WRN: variants seen among roughly 807,000 people sequenced by gnomAD.
WRN encodes the protein bifunctional 3'-5' exonuclease/ATP-dependent helicase WRN.
In WRN, 149 loss-of-function variants were observed where a neutral mutation model predicts 180.7. That is an observed-to-expected ratio of 0.82 (90% CI 0.72 to 0.94). The LOEUF (loss-of-function observed/expected upper bound fraction) is 0.94. Ranked by LOEUF, WRN falls within the 40% of genes least tolerant of loss-of-function variation. The pLI is 0.00. For missense variants in WRN, 1,661 were observed against 1,700.1 expected (o/e 0.98, Z 0.40); for synonymous variants, 548 against 568.9 (o/e 0.96, Z 0.52).
intron 24 of WRN, among the ~76,000 whole-genome samples, chr8:31,139,500 T>C (rs1298047440): frequency 6.6e-6 from 1 of 152,182 alleles, no homozygotes; most frequent in African/African-American, 2.4e-5. Flanking sequence ...TGTGGCCTCT[T>C]CTGTGATCAA....
chr8:31,164,261 C>T (rs1803760843), intron 33 of WRN, among the ~76,000 whole-genome samples: 2 of 152,062 alleles, frequency 1.3e-5, no homozygotes, highest in Non-Finnish European at 2.9e-5. Context: ...CTGGAGAAAA[C>T]ATTGTTGGAT....
At chr8:31,044,332 G>C (rs1245058342) in intron 1 of WRN, among the ~76,000 whole-genome samples, 4 of 129,978 alleles carry the variant, frequency 3.1e-5, no homozygotes, top group African/African-American at 1.2e-4. Flanking sequence ...TGAGCCGCTT[G>C]CCCGACCTTC....
At chr8:31,122,078 G>A (rs1801744478) in intron 21 of WRN, among the ~76,000 whole-genome samples, 1 of 151,816 alleles carries the variant, frequency 6.6e-6, no homozygotes, top group African/African-American at 2.4e-5. Flanking sequence ...TTGTTTCTCT[G>A]GGTCTTAAAA....
intron 34 of WRN, among the ~76,000 whole-genome samples, chr8:31,170,347 ATG>A (rs1191043130): frequency 6.6e-6 from 1 of 151,994 alleles, no homozygotes; most frequent in South Asian, 2.1e-4. Context: ...ATAAGAGAGA[ATG>A]TATGACATTT....
At chr8:31,087,131 A>T (rs1441255982) in intron 11 of WRN, among the ~76,000 whole-genome samples, 1 of 152,198 alleles carries the variant, frequency 6.6e-6, no homozygotes, top group Non-Finnish European at 1.5e-5. Context: ...CTGTAGTTTA[A>T]TAAAGTCTTC....
intron 11 of WRN, chr8:31,087,569 A>G (rs1173223476): frequency 2.7e-5 from 14 of 515,740 alleles, no homozygotes; most frequent in Non-Finnish European, 4.6e-5. Context: ...TATGCTGGAA[A>G]TGTTCCATCT....
intron 1 of WRN, among the ~76,000 whole-genome samples, chr8:31,040,896 A>G (rs556174926): frequency 7.2e-5 from 11 of 152,110 alleles, no homozygotes; most frequent in Non-Finnish European, 1.5e-4. Flanking sequence ...GCAGACCAGT[A>G]GAGAGGAAAA....
Position 31,173,607 on chromosome 8 carries a change from T to C in WRN, c.*505T>C, listed in dbSNP as rs1804181443. 5.8e-6 allele frequency: 1 copy of C among 172,904 alleles called. No homozygotes were observed. Among genetic ancestry groups the C allele is most frequent in the Middle Eastern group, 2.4e-3 (1 of 416 alleles). 10.7% of individuals were successfully genotyped at this position (172,904 alleles called of 1,614,324 possible). On this transcript the variant is annotated 3_prime_UTR_variant, in exon 35 of 35. Transcript: ENST00000298139. Reference sequence around the variant, plus strand: ...TATTAGTTGACCAGGGCAGTGAAAATGAAACCGCATTTTGGGTGCCATTAA... The same window carrying C: ...TATTAGTTGACCAGGGCAGTGAAAACGAAACCGCATTTTGGGTGCCATTAA...
In WRN at chr8:31,088,955, A is replaced by G; in HGVS notation, c.1642A>G (p.Ser548Gly). ...TCLKMYFGHS[S>G]FKPVQWKVIH... ...CCTCAAGATGTACTTTGGCCATTCC[A>G]GTTTTAAACCGTGAGTATAATCTCA... The change falls in exon 13 of 35, where the codon AGT (serine) becomes GGT (glycine). Residue 548 changes from serine (S) to glycine (G), a missense_variant. Coordinates refer to ENST00000298139, the MANE Select transcript of WRN (RefSeq NM_000553.6). 2 of 1,610,562 alleles carry G rather than the reference A, an allele frequency of 1.2e-6. No individual in the cohort carries two copies. Among genetic ancestry groups the G allele is most frequent in the Non-Finnish European group, 1.7e-6 (2 of 1,178,208 alleles).
At chr8:31,035,498 G>A (rs532032013) in intron 1 of WRN, among the ~76,000 whole-genome samples, 12 of 152,242 alleles carry the variant, frequency 7.9e-5, no homozygotes, top group African/African-American at 2.2e-4. Context: ...GGAGCAGAGC[G>A]GAGAGGAGGT....
At chr8:31,169,460 A>T (rs1283861060) in intron 34 of WRN, among the ~76,000 whole-genome samples, 7 of 151,222 alleles carry the variant, frequency 4.6e-5, no homozygotes, top group African/African-American at 1.7e-4. Context: ...GAACTTTTCT[A>T]ATTTTGATTT....
At position 31,140,003 on chromosome 8, in the gene WRN, G is replaced by GTT. The variant is rs71539917; in HGVS notation, c.2968-1398_2968-1397dup. ...AAGCTCTATGTTTGTATACTTCTTT[G>GTT]TTTTTTTTTTTTTTTTTTTTTTTTT... On this transcript the variant is annotated intron_variant, in intron 24 of 34. Transcript: ENST00000298139. Among the ~76,000 whole-genome samples, 199 of 62,102 alleles carry GTT rather than the reference G, an allele frequency of 3.2e-3. 39 individuals are homozygous for GTT. The highest frequency in any genetic ancestry group is 8.1e-3 in the African/African-American group (133 of 16,514). 40.7% of individuals were successfully genotyped at this position (62,102 alleles called of 152,430 possible).
chr8:31,130,023 AAC>A (rs1491301295), intron 23 of WRN, among the ~76,000 whole-genome samples: 13 of 142,190 alleles, frequency 9.1e-5, no homozygotes, highest in African/African-American at 2.9e-4. Flanking sequence ...AACAAAACAA[AAC>A]AAAAAAAAAA....
At position 31,111,630 on chromosome 8, in the gene WRN, C is replaced by T. The variant is rs748745844; in HGVS notation, c.2104C>T (p.Leu702Phe). ...TALPMVPIVA[L>F]TATASSSIRE... ...CATCATTCAGGTTCCAATCGTTGCA[C>T]TTACTGCTACTGCAAGTTCTTCAAT... Residue 702 changes from leucine to phenylalanine, a missense_variant, in exon 19 of 35, where the codon CTT becomes TTT. Physicochemically the swap from Leu to Phe is conservative, Grantham distance 22 (BLOSUM62 0). This residue lies in a region of WRN where 1,141 missense variants were observed against 1,149.4 expected (regional missense o/e 0.99). Transcript: ENST00000298139. 1.9e-6 allele frequency: 3 copies of T among 1,614,006 alleles called. No individual in the cohort carries two copies. The highest frequency in any genetic ancestry group is 1.1e-5 in the South Asian group (1 of 91,080).
intron 28 of WRN, among the ~76,000 whole-genome samples, chr8:31,145,945 A>G (rs576760746): frequency 6.6e-6 from 1 of 152,174 alleles, no homozygotes; most frequent in East Asian, 1.9e-4. Context: ...GGGTGCTTAT[A>G]TATGAATAAA....
At chr8:31,058,076 AAT>A (rs1297275838) in intron 1 of WRN, among the ~76,000 whole-genome samples, 2 of 152,202 alleles carry the variant, frequency 1.3e-5, no homozygotes, top group African/African-American at 4.8e-5. Flanking sequence ...AGGAATTCAT[AAT>A]GATTCATATA....
Position 31,142,681 on chromosome 8 carries a change from G to A in WRN, c.3289G>A (p.Glu1097Lys). The change falls in exon 27 of 35, where the codon GAA (glutamate) becomes AAA (lysine). Residue 1097 changes from glutamate to lysine, a missense_variant. By Grantham distance (56) the Glu-to-Lys change is moderately conservative (BLOSUM62 1). Transcript: ENST00000298139. ...GCATTGTTATAATCAAGTACCAGTTGAATTAAGTACAGAGAAGAAGGTTTG... is the reference window on the plus strand; with the variant it reads ...GCATTGTTATAATCAAGTACCAGTTAAATTAAGTACAGAGAAGAAGGTTTG... ...KEHCYNQVPV[E>K]LSTEKKSNLE... 6 of 1,604,308 alleles carry A rather than the reference G, an allele frequency of 3.7e-6. No homozygotes were observed. Among genetic ancestry groups the A allele is most frequent in the Non-Finnish European group, 4.3e-6 (5 of 1,175,330 alleles).
intron 7 of WRN, among the ~76,000 whole-genome samples, chr8:31,068,913 C>T (rs770118973): frequency 6.6e-6 from 1 of 152,152 alleles, no homozygotes; most frequent in South Asian, 2.1e-4. Context: ...GCAGAAGGAG[C>T]CACGTAGTAG....
rs185443118 is a variant in WRN at position 31,154,879 on chromosome 8, T to C, written c.3819+124T>C. On this transcript the variant is annotated intron_variant, in intron 32 of 34. Transcript: ENST00000298139. ...CCTCCAACCCTACAATAAATCTCAGTTTATCTTTAATTTTAAAAGAGAATG... is the reference window on the plus strand; with the variant it reads ...CCTCCAACCCTACAATAAATCTCAGCTTATCTTTAATTTTAAAAGAGAATG... 1.6e-5 allele frequency: 20 copies of C among 1,235,630 alleles called. 1 individual carries two copies. In the East Asian group the frequency reaches 3.0e-4, roughly 18 times the overall value. The allele number at this position is 1,235,630 out of a possible 1,614,324, so 76.5% of individuals were successfully genotyped here.
Sources: gnomAD v4.1 joint callset for allele counts (sites outside exome capture counted in the v4.1 genomes callset) on GRCh38, gnomAD v4.1.1 for gene constraint, gnomAD v4.1.1 regional missense constraint, MANE v1.5 for transcripts, NCBI Gene and HGNC (gene_info 2026-07-23, HGNC 2026-07-21) for gene names.